Variants in KLF17 observed in about 807,000 individuals in gnomAD.
KLF17 encodes the protein Krueppel-like factor 17.
In KLF17, 31 loss-of-function variants were observed where a neutral mutation model predicts 34.2. The ratio of observed to expected loss-of-function variants is 0.91; its 90% confidence interval spans 0.68 to 1.22. The LOEUF (loss-of-function observed/expected upper bound fraction) is 1.22, where lower values mean the gene tolerates loss of function less well. Among genes scored for constraint, KLF17 ranks in the 50% most tolerant of loss-of-function variants. KLF17 has a pLI of 0.00. For missense variants in KLF17, 478 were observed against 505.2 expected (o/e 0.95, Z 0.52); for synonymous variants, 179 against 186.7 (o/e 0.96, Z 0.34).
chr1:44,126,329 A>T (rs887578291), intron 1 of KLF17, among the ~76,000 whole-genome samples: 1 of 152,160 alleles, frequency 6.6e-6, no homozygotes, highest in Non-Finnish European at 1.5e-5. Flanking sequence ...CCGGCCAAGG[A>T]CAAGGTTTTT....
chr1:44,110,846 G>T, the KLF17 span, among the ~76,000 whole-genome samples: 1 of 151,980 alleles, frequency 6.6e-6, no homozygotes, highest in East Asian at 1.9e-4. Context: ...GCTTCAGCTG[G>T]CATGGTGGCT....
the KLF17 span, among the ~76,000 whole-genome samples, chr1:44,060,166 T>C: frequency 1.2e-3 from 184 of 152,182 alleles, 1 homozygote; most frequent in African/African-American, 4.2e-3. Context: ...AGCAGCCTTC[T>C]GTATATAAAA....
At chr1:44,103,425 G>T in the KLF17 span, 3 of 785,414 alleles carry the variant, frequency 3.8e-6, no homozygotes, top group Non-Finnish European at 6.8e-6. Context: ...GAAGGAGCTG[G>T]CGCCCATGCC....
At chr1:44,113,104 C>CAA in the KLF17 span, among the ~76,000 whole-genome samples, 4 of 152,160 alleles carry the variant, frequency 2.6e-5, no homozygotes, top group Non-Finnish European at 4.4e-5. Context: ...TTGATTTGTT[C>CAA]AAAAATTACT....
chr1:44,045,147 A>G, the KLF17 span: 2 of 152,200 alleles, frequency 1.3e-5, no homozygotes, highest in Non-Finnish European at 2.9e-5. Context: ...TGTTTTCCAC[A>G]GGGGCGGGAT....
At chr1:44,078,880 CTCCCA>C in the KLF17 span, among the ~76,000 whole-genome samples, 1 of 152,136 alleles carries the variant, frequency 6.6e-6, no homozygotes, top group African/African-American at 2.4e-5. Flanking sequence ...GGTACCTTCT[CTCCCA>C]TCCAGTGGAG....
In KLF17 at chr1:44,130,082, G is replaced by A. The variant is rs1186927146; in HGVS notation, c.811G>A (p.Gly271Arg). The change falls in exon 2 of 4, where the codon GGG becomes AGG. Residue 271 changes from glycine (G) to arginine (R), a missense_variant. Transcript: ENST00000372299. ...AGAGAAGAACTCCAGGCCTCAGGAA[G>A]GGACTGGTAGAAGGGGCTCCTCAGA... ...TVEKNSRPQEGTGRRGSSEAR... is the reference protein window; with the variant it reads ...TVEKNSRPQERTGRRGSSEAR... 6.2e-7 allele frequency: 1 copy of A among 1,614,262 alleles called. No individual in the cohort carries two copies.
the KLF17 span, chr1:44,047,976 G>T: frequency 6.6e-6 from 1 of 151,070 alleles, no homozygotes; most frequent in Non-Finnish European, 1.5e-5. Flanking sequence ...TTGGAGAGTG[G>T]GCCCATAAGA....
the KLF17 span, chr1:44,103,954 G>A: frequency 2.3e-6 from 2 of 865,036 alleles, no homozygotes; most frequent in Non-Finnish European, 2.0e-6. Context: ...GCCTCAGCCC[G>A]CCTGCGGTTG....
chr1:44,059,339 A>C, the KLF17 span, among the ~76,000 whole-genome samples: 1 of 152,012 alleles, frequency 6.6e-6, no homozygotes, highest in African/African-American at 2.4e-5. Flanking sequence ...TATAGAGGCC[A>C]CTCTAAGGCC....
the KLF17 span, among the ~76,000 whole-genome samples, chr1:44,092,045 A>C: frequency 4.0e-5 from 6 of 151,136 alleles, no homozygotes; most frequent in East Asian, 3.9e-4. Context: ...AAAAAAAAAA[A>C]AAAACTTGCT....
chr1:44,116,693 C>A (rs909766340), upstream of KLF17, among the ~76,000 whole-genome samples: 12 of 152,200 alleles, frequency 7.9e-5, no homozygotes, highest in Non-Finnish European at 1.6e-4. Context: ...TTTATTTCAA[C>A]CTCTCAGGTT....
rs1271734810 is a variant in KLF17 at position 44,129,700 on chromosome 1, A to G, written c.429A>G (p.Val143=). 6.2e-7 allele frequency: 1 copy of G among 1,614,172 alleles called. No homozygotes were observed. The change falls in exon 2 of 4, where the codon GTA becomes GTG. Residue 143 remains valine (V), a synonymous_variant. Coordinates refer to ENST00000372299, the MANE Select transcript of KLF17 (RefSeq NM_173484.4). ...TAGGAGAGCCCAATATTCCAAGGGT[A>G]GCCAGGCCCTTCGGTGGGAATCTAA... ...MPVGEPNIPR[V]ARPFGGNLRM... is the part of the protein sequence containing the mutation.
chr1:44,069,016 G>T, the KLF17 span, among the ~76,000 whole-genome samples: 1 of 152,008 alleles, frequency 6.6e-6, no homozygotes, highest in Non-Finnish European at 1.5e-5. The surrounding 1 kb of genome is among the most constrained non-coding windows in gnomAD (Gnocchi z 4.7). Flanking sequence ...CCTCCTCTCA[G>T]GGGTCAGGGC....
chr1:44,086,305 A>G, the KLF17 span, among the ~76,000 whole-genome samples: 4 of 152,154 alleles, frequency 2.6e-5, no homozygotes, highest in African/African-American at 9.7e-5. Context: ...CGTCTCTACT[A>G]AAAGTACAAA....
chr1:44,088,065 G>T, the KLF17 span: 2 of 217,032 alleles, frequency 9.2e-6, no homozygotes, highest in South Asian at 1.6e-4. Flanking sequence ...CTTGAGAGAT[G>T]GGTTCCTGGC....
chr1:44,057,939 C>T, the KLF17 span, among the ~76,000 whole-genome samples: 17 of 152,284 alleles, frequency 1.1e-4, no homozygotes, highest in Non-Finnish European at 2.4e-4. Context: ...CAGATGCCAC[C>T]ATACAGGGGA....
chr1:44,065,987 A>G, the KLF17 span, among the ~76,000 whole-genome samples: 1 of 152,226 alleles, frequency 6.6e-6, no homozygotes, highest in African/African-American at 2.4e-5. Context: ...TAAGTCTAGA[A>G]TAAGATATCA....
the KLF17 span, chr1:44,074,949 C>T: frequency 1.3e-5 from 2 of 152,198 alleles, no homozygotes; most frequent in South Asian, 2.1e-4. Context: ...CAAGGCTTCT[C>T]GCATTGCTCA....
Sources: gnomAD v4.1 joint callset for allele counts (sites outside exome capture counted in the v4.1 genomes callset) on GRCh38, gnomAD v4.1.1 for gene constraint, Gnocchi (gnomAD v3.1) non-coding constraint, MANE v1.5 for transcripts, NCBI Gene and HGNC (gene_info 2026-07-23, HGNC 2026-07-21) for gene names.